The following FAM133B variants were observed in gnomAD, a reference collection of about 807,000 sequenced individuals.
FAM133B encodes protein FAM133B.
Under a neutral mutation model 46.4 loss-of-function variants are expected in FAM133B, and 25 were observed. That is an observed-to-expected ratio of 0.54 (90% CI 0.39 to 0.75). FAM133B has a LOEUF of 0.75. Ranked by LOEUF, FAM133B falls within the 30% of genes least tolerant of loss-of-function variation. The pLI is 0.00. For missense variants in FAM133B, 205 were observed against 277.6 expected (o/e 0.74, Z 1.86); for synonymous variants, 75 against 86.0 (o/e 0.87, Z 0.71).
rs1347170419 is a variant in FAM133B, at chr7:92,562,224, T to C, written c.*58A>G. ...AGTAAATATGTTGTAGTTTTCACAG[T>C]TGAAATTTCCTCAGACATTGCACTT... is the stretch of plus-strand genomic sequence containing the variant. On this transcript the variant is annotated 3_prime_UTR_variant, in exon 11 of 11. Transcript: ENST00000445716. 55 of 1,477,780 alleles carry C rather than the reference T, an allele frequency of 3.7e-5. No homozygotes were observed. Among genetic ancestry groups the C allele is most frequent in the Middle Eastern group, 2.4e-4 (1 of 4,130 alleles). 91.5% of individuals were successfully genotyped at this position (1,477,780 alleles called of 1,614,324 possible).
intron 10 of FAM133B, among the ~76,000 whole-genome samples, chr7:92,565,256 T>A (rs1475431750): frequency 6.6e-6 from 1 of 151,178 alleles, no homozygotes; most frequent in Non-Finnish European, 1.5e-5. Context: ...GTTCAAGCAA[T>A]TCTCCTGCCT....
chr7:92,563,802 T>C (rs1422237387), intron 10 of FAM133B, among the ~76,000 whole-genome samples: 1 of 152,238 alleles, frequency 6.6e-6, no homozygotes, highest in Non-Finnish European at 1.5e-5. Flanking sequence ...TATCTCTGAT[T>C]CTGCTCTTTA....
chr7:92,588,490 A>G (rs1352131988), intron 1 of FAM133B, among the ~76,000 whole-genome samples: 12 of 152,222 alleles, frequency 7.9e-5, no homozygotes, highest in Non-Finnish European at 1.3e-4. Flanking sequence ...ATAGCACAAC[A>G]AAGTCTCACC....
At chr7:92,585,243 C>T (rs916626137) in intron 1 of FAM133B, 1 of 385,080 alleles carries the variant, frequency 2.6e-6, no homozygotes. Flanking sequence ...ATATAGGTCA[C>T]CAGGATGTAG....
In FAM133B at chr7:92,579,386, T is replaced by A; in HGVS notation, c.132A>T (p.Val44=). The A allele has an allele frequency of 1.2e-6, 2 of 1,604,584 alleles. No individual in the cohort carries two copies. The highest frequency in any genetic ancestry group is 2.3e-5 in the South Asian group (2 of 88,636). Residue 44 remains valine (V), a synonymous_variant, in exon 3 of 11, where the codon GTA becomes GTT. Transcript: ENST00000445716. ...TCTTTTTCTTTTCTAGTTGCTCTTT[T>A]ACTTCTTCCCTTAAAAAATAGAATG... ...LNRPRPTWEE[V]KEQLEKKKKG...
chr7:92,566,059 C>T lies in FAM133B; in HGVS notation c.612G>A (p.Val204=). The T allele has an allele frequency of 1.2e-6, 2 of 1,613,436 alleles. No homozygotes were observed. The highest frequency in any genetic ancestry group is 1.7e-6 in the Non-Finnish European group (2 of 1,179,814). The part of the protein sequence containing the change: ...SLSESEYIEE[V]RAKKKKSSEE... ...CACTGCTTTTCTTCTTTTTTGCTCG[C>T]ACCTAGAAAGTTTAAATTTTTGTGG... Residue 204 remains valine (V), a splice_region_variant and synonymous_variant, in exon 10 of 11, where the codon GTG becomes GTA. Transcript: ENST00000445716.
chr7:92,562,067 T>C lies in FAM133B; in HGVS notation c.*215A>G, dbSNP rs866644996. 6.5e-6 allele frequency: 3 copies of C among 462,312 alleles called. No homozygotes were observed. The highest frequency in any genetic ancestry group is 3.8e-5 in the Admixed American group (1 of 26,426). 28.6% of individuals were successfully genotyped at this position (462,312 alleles called of 1,614,324 possible). ...TGCAGTGTATTATCTCCCAGAGTTA[T>C]CAAGCACTGGAAGAGAAAAAAATAG... On this transcript the variant is annotated 3_prime_UTR_variant, in exon 11 of 11. Coordinates refer to ENST00000445716, the MANE Select transcript of FAM133B (RefSeq NM_152789.4).
At chr7:92,568,395 T>C (rs1418147982) in intron 9 of FAM133B, among the ~76,000 whole-genome samples, 1 of 152,196 alleles carries the variant, frequency 6.6e-6, no homozygotes, top group Non-Finnish European at 1.5e-5. Flanking sequence ...TTCACTCTTG[T>C]TGCCCAGGCT....
chr7:92,579,459 A>AATT, intron 2 of FAM133B, 64 bp from the exon 3 acceptor site: 1 of 1,146,958 alleles, frequency 8.7e-7, no homozygotes, highest in Non-Finnish European at 1.2e-6. Context: ...GCTTACAAAT[A>AATT]AGACAACAAA....
intron 2 of FAM133B, among the ~76,000 whole-genome samples, chr7:92,580,007 T>C (rs1228027068): frequency 6.6e-6 from 1 of 152,178 alleles, no homozygotes; most frequent in African/African-American, 2.4e-5. Flanking sequence ...GAGCAGATCA[T>C]TGTTCCTAAA....
In FAM133B at chr7:92,575,756, T is replaced by TA; in HGVS notation, c.516+14dup. On this transcript the variant is annotated intron_variant, in intron 8 of 10. Coordinates refer to ENST00000445716, the MANE Select transcript of FAM133B (RefSeq NM_152789.4). ...TATGACAGACTATCTTAAGGCAATG[T>TA]AAAAGTATAGTTACCTTTTCTTTCT... The TA allele has an allele frequency of 4.5e-6, 6 of 1,333,108 alleles. No individual in the cohort carries two copies. Among genetic ancestry groups the TA allele is most frequent in the Non-Finnish European group, 6.4e-6 (6 of 936,188 alleles). 82.6% of individuals were successfully genotyped at this position (1,333,108 alleles called of 1,614,324 possible). A position where few individuals can be genotyped will look rare whatever the true frequency, so the allele number is the denominator to read the frequency against.
In FAM133B at chr7:92,578,153, A is replaced by C; in HGVS notation, c.306T>G (p.Gly102=). Residue 102 remains glycine, a synonymous_variant, in exon 5 of 11, where the codon GGT becomes GGG. Coordinates refer to ENST00000445716, the MANE Select transcript of FAM133B (RefSeq NM_152789.4). The part of the protein sequence containing the change: ...QRKKKEKKKS[G]RYSSSSSSSS... The stretch of plus-strand genomic sequence containing the variant: ...AAAATGGAAAATTTTTGCTCACCCT[A>C]CCAGATTTCTTCTTTTCTTTTTTCT... The C allele has an allele frequency of 6.2e-7, 1 of 1,609,304 alleles. No individual in the cohort carries two copies.
chr7:92,578,010 T>C lies in FAM133B; in HGVS notation c.309+140A>G, dbSNP rs1382100783. ...TGTCAGTGATAGAACAAAATCACTC[T>C]TCACAATCAAAGAACCTCTAAGTTC... On this transcript the variant is annotated intron_variant, in intron 5 of 10. Transcript: ENST00000445716. 1.0e-5 allele frequency: 8 copies of C among 768,178 alleles called. No individual in the cohort carries two copies. The East Asian group carries it at 1.8e-4, about 18-fold the overall frequency. The allele number at this position is 768,178 out of a possible 1,614,324, so 47.6% of individuals were successfully genotyped here. A position where few individuals can be genotyped will look rare whatever the true frequency, so the allele number is the denominator to read the frequency against.
At chr7:92,581,717 G>A (rs1044476619) in intron 1 of FAM133B, 114 bp from the exon 2 acceptor site, 1 of 729,636 alleles carries the variant, frequency 1.4e-6, no homozygotes, top group East Asian at 2.8e-5. Flanking sequence ...CTAAGTATAT[G>A]CAATCTGACT....
intron 1 of FAM133B, among the ~76,000 whole-genome samples, chr7:92,586,876 C>A (rs573627207): frequency 6.6e-6 from 1 of 152,278 alleles, no homozygotes; most frequent in East Asian, 1.9e-4. Flanking sequence ...AGGTGGCCAT[C>A]ATGAACTTAA....
chr7:92,579,584 C>T (rs1284694302), intron 2 of FAM133B, among the ~76,000 whole-genome samples, 189 bp from the exon 3 acceptor site: 1 of 152,168 alleles, frequency 6.6e-6, no homozygotes, highest in Non-Finnish European at 1.5e-5. Context: ...AAATAAATAA[C>T]ACTAATCACT....
chr7:92,574,189 CAAAT>C (rs555490518), intron 8 of FAM133B, among the ~76,000 whole-genome samples: 24 of 152,248 alleles, frequency 1.6e-4, no homozygotes, highest in Non-Finnish European at 2.5e-4. Flanking sequence ...TGTCCATCAA[CAAAT>C]GAATGGATGG....
At chr7:92,566,458 T>C (rs548891430) in intron 9 of FAM133B, among the ~76,000 whole-genome samples, 2 of 147,494 alleles carry the variant, frequency 1.4e-5, no homozygotes, top group East Asian at 4.0e-4. Context: ...AGCTCCCCCA[T>C]CTCTACCAAG....
intron 1 of FAM133B, among the ~76,000 whole-genome samples, chr7:92,588,715 C>T (rs1795104204): frequency 6.6e-6 from 1 of 152,094 alleles, no homozygotes; most frequent in African/African-American, 2.4e-5. Flanking sequence ...ATCATGGGGG[C>T]GGAGTTCTCA....
Sources: gnomAD v4.1 joint callset for allele counts (sites outside exome capture counted in the v4.1 genomes callset) on GRCh38, gnomAD v4.1.1 for gene constraint, MANE v1.5 for transcripts, NCBI Gene and HGNC (gene_info 2026-07-23, HGNC 2026-07-21) for gene names.